The following EPM2A variants were observed in gnomAD, a reference collection of about 807,000 sequenced individuals.
EPM2A encodes EPM2A glucan phosphatase, laforin, also known as laforin.
EPM2A carries 21 observed loss-of-function variants against 26.5 expected under a neutral mutation model. The ratio of observed to expected loss-of-function variants is 0.79; its 90% confidence interval spans 0.56 to 1.14. The LOEUF is 1.14. Ranked by LOEUF, EPM2A falls within the 50% of genes most tolerant of loss-of-function variation. The pLI is 0.00. For missense variants in EPM2A, 458 were observed against 440.8 expected (o/e 1.04, Z -0.35); for synonymous variants, 217 against 177.6 (o/e 1.22, Z -1.76).
Position 145,394,917 on chromosome 6 carries a change from C to T in EPM2A, c.556-10820G>A, listed in dbSNP as rs569840225. 3.2e-4 allele frequency among the ~76,000 whole-genome samples: 49 copies of T among 152,274 alleles called. 1 individual carries two copies. The highest frequency in any genetic ancestry group is 3.4e-3 in the Middle Eastern group (1 of 294). On this transcript the variant is annotated intron_variant, in intron 4 of 4. Transcript: ENST00000638717. ...GATATAAGCTTCCCCAACAATCCTA[C>T]CCTATTATAATACATTTATGCTCTC...
intron 2 of EPM2A, among the ~76,000 whole-genome samples, chr6:145,663,217 G>A (rs1038792612): frequency 6.6e-6 from 1 of 152,210 alleles, no homozygotes; most frequent in African/African-American, 2.4e-5. Context: ...CAATGGAAAT[G>A]ATAGCAAATA....
At chr6:145,513,832 C>T (rs1780087924) in intron 2 of EPM2A, among the ~76,000 whole-genome samples, 1 of 152,210 alleles carries the variant, frequency 6.6e-6, no homozygotes, top group African/African-American at 2.4e-5. Flanking sequence ...TAATAGAAAA[C>T]TCTCTAATGA....
chr6:145,671,768 A>G (rs1269770196), intron 2 of EPM2A, among the ~76,000 whole-genome samples: 6 of 152,230 alleles, frequency 3.9e-5, no homozygotes, highest in Admixed American at 3.9e-4. Flanking sequence ...AGTGTGTAAA[A>G]TAATTTTGAG....
intron 4 of EPM2A, among the ~76,000 whole-genome samples, chr6:145,476,844 A>G (rs566770600): frequency 2.0e-5 from 3 of 152,112 alleles, no homozygotes; most frequent in Admixed American, 2.0e-4. Context: ...CTACATCAAA[A>G]AGAAGAAAAA....
At chr6:145,496,354 G>A (rs1036834768) in intron 4 of EPM2A, among the ~76,000 whole-genome samples, 9 of 152,178 alleles carry the variant, frequency 5.9e-5, no homozygotes, top group African/African-American at 7.2e-5. Context: ...CTGCATTTTC[G>A]GAATTTGAAT....
chr6:145,513,051 T>C (rs1181276932), intron 2 of EPM2A, among the ~76,000 whole-genome samples: 1 of 151,970 alleles, frequency 6.6e-6, no homozygotes, highest in African/African-American at 2.4e-5. Context: ...AAAACAAAAA[T>C]AGACAAATGA....
At chr6:145,441,351 C>T (rs1468652862) in intron 4 of EPM2A, among the ~76,000 whole-genome samples, 1 of 152,184 alleles carries the variant, frequency 6.6e-6, no homozygotes, top group Non-Finnish European at 1.5e-5. Context: ...ATTTTTTCCT[C>T]CTAGGCCTCA....
At chr6:145,697,041 G>A (rs1042142913) in intron 1 of EPM2A, among the ~76,000 whole-genome samples, 4 of 152,034 alleles carry the variant, frequency 2.6e-5, no homozygotes, top group Non-Finnish European at 5.9e-5. Flanking sequence ...TCATAACTTG[G>A]TGCATAATAG....
chr6:145,675,112 G>A lies in EPM2A; in HGVS notation c.476+11010C>T, dbSNP rs184340010. Among the ~76,000 whole-genome samples the A allele has an allele frequency of 6.7e-3, 1,017 of 152,328 alleles. 4 individuals are homozygous for A. The highest frequency in any genetic ancestry group is 0.017 in the Middle Eastern group (5 of 294). On this transcript the variant is annotated intron_variant, in intron 2 of 3. Transcript: ENST00000367519. ...TCTGCAGAAACCCTACAAGCCAGAAGAGAGTGGGGGCCAATATTCAACATT... is the reference window on the plus strand; with the variant it reads ...TCTGCAGAAACCCTACAAGCCAGAAAAGAGTGGGGGCCAATATTCAACATT...
At chr6:145,611,816 A>C (rs1775397831) in intron 2 of EPM2A, among the ~76,000 whole-genome samples, 1 of 152,146 alleles carries the variant, frequency 6.6e-6, no homozygotes. Flanking sequence ...ATTGATACTA[A>C]ATTATAAAGA....
At chr6:145,491,847 A>G (rs1779759486) in intron 4 of EPM2A, 2 of 518,354 alleles carry the variant, frequency 3.9e-6, no homozygotes, top group Non-Finnish European at 7.9e-6. Flanking sequence ...GAATTAAATT[A>G]CAAAAGGTCA....
intron 1 of EPM2A, chr6:145,705,867 G>C (rs1316169349): frequency 2.2e-6 from 1 of 456,574 alleles, no homozygotes; most frequent in South Asian, 1.5e-5. Context: ...CTGGTAAACA[G>C]TAATCGCCTG....
At chr6:145,722,434 C>T (rs185239279) in intron 1 of EPM2A, among the ~76,000 whole-genome samples, 6 of 152,206 alleles carry the variant, frequency 3.9e-5, no homozygotes, top group East Asian at 1.9e-4. Flanking sequence ...ACAAAGATAC[C>T]GCACAGCCAA....
chr6:145,503,256 G>A (rs1012320402), intron 2 of EPM2A, among the ~76,000 whole-genome samples: 5 of 151,786 alleles, frequency 3.3e-5, no homozygotes, highest in African/African-American at 1.2e-4. Flanking sequence ...AATCAGGCAG[G>A]AGAAGGAAAT....
chr6:145,576,167 A>G (rs563734802), intron 2 of EPM2A, among the ~76,000 whole-genome samples: 1 of 152,220 alleles, frequency 6.6e-6, no homozygotes, highest in South Asian at 2.1e-4. Flanking sequence ...CCACCCCACA[A>G]TTCCTGCCCA....
chr6:145,712,685 A>G lies in EPM2A; in HGVS notation c.301+22513T>C, dbSNP rs538235322. On this transcript the variant is annotated intron_variant, in intron 1 of 3. Transcript: ENST00000367519. ...CTTATTATGAGTGTTTTGAGACACTAGCCAAAGCTTTAGCAGAAAAATGCC... is the reference window on the plus strand; with the variant it reads ...CTTATTATGAGTGTTTTGAGACACTGGCCAAAGCTTTAGCAGAAAAATGCC... Among the ~76,000 whole-genome samples the G allele has an allele frequency of 2.0e-5, 3 of 152,308 alleles. No individual in the cohort carries two copies. In the East Asian group the frequency reaches 5.8e-4, roughly 29 times the overall value.
intron 4 of EPM2A, among the ~76,000 whole-genome samples, chr6:145,476,182 A>C (rs1281544500): frequency 6.6e-6 from 1 of 152,158 alleles, no homozygotes; most frequent in African/African-American, 2.4e-5. Flanking sequence ...ACTTGTAGAC[A>C]AAGCAGTTGA....
chr6:145,696,775 ATGTGTGTGTGTGTGTGTGTGTGTGTGTG>A (rs35621582), intron 1 of EPM2A, among the ~76,000 whole-genome samples: 12 of 135,216 alleles, frequency 8.9e-5, no homozygotes, highest in African/African-American at 3.0e-4. Context: ...AGGTAGGGGT[ATGTGTGTGTGTGTGTGTGTGTGTGTGTG>A]TGTGTGTGTG....
intron 2 of EPM2A, among the ~76,000 whole-genome samples, chr6:145,643,199 A>C (rs188864583): frequency 1.3e-5 from 2 of 152,340 alleles, no homozygotes; most frequent in Non-Finnish European, 2.9e-5. Flanking sequence ...CAGTATGATA[A>C]TCTAAATTTT....
Sources: gnomAD v4.1 joint callset for allele counts (sites outside exome capture counted in the v4.1 genomes callset) on GRCh38, gnomAD v4.1.1 for gene constraint, MANE v1.5 for transcripts, NCBI Gene and HGNC (gene_info 2026-07-23, HGNC 2026-07-21) for gene names.